The following TSHZ2 variants were observed in gnomAD, a reference collection of about 807,000 sequenced individuals.
The protein encoded by TSHZ2 is teashirt zinc finger homeobox 2.
In TSHZ2, 21 loss-of-function variants were observed where a neutral mutation model predicts 74.4. The ratio of observed to expected loss-of-function variants is 0.28; its 90% CI spans 0.20 to 0.41. The LOEUF is 0.41. TSHZ2 is among the 10% of genes least tolerant of loss of function. The probability of loss-of-function intolerance (pLI) is 1.00; values close to 1 mark genes in which losing one functional copy is unlikely to be tolerated. For missense variants in TSHZ2, 1,244 were observed against 1,293.5 expected, an observed-to-expected ratio of 0.96 and a Z score of 0.59; for synonymous variants, 540 against 515.3, an observed-to-expected ratio of 1.05 and a Z score of -0.65.
At position 53,388,673 on chromosome 20, in the gene TSHZ2, G is replaced by T. The variant is rs190964553; in HGVS notation, c.*9-98471G>T. Among the ~76,000 whole-genome samples, 10 of 150,960 alleles carry T rather than the reference G, an allele frequency of 6.6e-5. No individual in the cohort carries two copies. The East Asian group carries it at 2.0e-3, about 30-fold the overall frequency. On this transcript the variant is annotated intron_variant, in intron 2 of 2. Transcript: ENST00000371497. ...GCTCACTGCAACCTCTGCCTCCCAG[G>T]TTCAAGCAATTCTCGTACCTCAGCC...
chr20:53,324,863 C>T (rs1308244532), intron 2 of TSHZ2, among the ~76,000 whole-genome samples: 1 of 152,222 alleles, frequency 6.6e-6, no homozygotes, highest in Admixed American at 6.5e-5. Context: ...CAGGCTTCAA[C>T]CCTGTGTCGG....
chr20:53,076,062 T>G (rs1985355007), intron 1 of TSHZ2, among the ~76,000 whole-genome samples: 1 of 152,314 alleles, frequency 6.6e-6, no homozygotes, highest in African/African-American at 2.4e-5. Context: ...CTAGGACACT[T>G]TTCACTTTGT....
chr20:53,416,485 G>GA (rs1362693651), intron 2 of TSHZ2, among the ~76,000 whole-genome samples: 1 of 152,152 alleles, frequency 6.6e-6, no homozygotes, highest in East Asian at 1.9e-4. Flanking sequence ...CCTCTACCAG[G>GA]AAAAAGGGTA....
chr20:53,459,513 T>C (rs200460974), intron 2 of TSHZ2, among the ~76,000 whole-genome samples: 14,889 of 144,140 alleles, frequency 0.1, 1,005 homozygotes, highest in African/African-American at 0.2. Context: ...CTTTATCCAA[T>C]TTGCCAGTCT....
intron 1 of TSHZ2, among the ~76,000 whole-genome samples, chr20:53,010,744 T>C (rs1489253387): frequency 6.6e-6 from 1 of 152,218 alleles, no homozygotes; most frequent in Non-Finnish European, 1.5e-5. Flanking sequence ...TTTATTGCAC[T>C]GTAAATTGGA....
intron 1 of TSHZ2, among the ~76,000 whole-genome samples, chr20:53,022,802 T>C (rs1341694960): frequency 6.6e-6 from 1 of 152,244 alleles, no homozygotes; most frequent in Non-Finnish European, 1.5e-5. Flanking sequence ...TTGACTAAAA[T>C]AGGAGTTCCT....
chr20:53,036,944 T>C (rs1228175622), intron 1 of TSHZ2, among the ~76,000 whole-genome samples: 1 of 151,998 alleles, frequency 6.6e-6, no homozygotes, highest in South Asian at 2.1e-4. Context: ...GTTTAGTCAT[T>C]AAATATTCCT....
intron 1 of TSHZ2, among the ~76,000 whole-genome samples, chr20:53,193,191 A>G (rs369885131): frequency 1.3e-5 from 2 of 151,954 alleles, no homozygotes; most frequent in African/African-American, 4.8e-5. Context: ...GAAAAAAGAA[A>G]AAAAAAACAC....
At chr20:53,315,574 A>G (rs1410998501) in intron 2 of TSHZ2, among the ~76,000 whole-genome samples, 1 of 152,194 alleles carries the variant, frequency 6.6e-6, no homozygotes, top group Non-Finnish European at 1.5e-5. Flanking sequence ...TCTCTTGTCA[A>G]AGGAAGATAG....
intron 1 of TSHZ2, among the ~76,000 whole-genome samples, chr20:52,998,609 A>G (rs756206651): frequency 7.9e-5 from 12 of 152,204 alleles, no homozygotes; most frequent in Non-Finnish European, 1.2e-4. Flanking sequence ...TGAAAGCACC[A>G]TATACCTCAC....
chr20:53,270,298 G>A (rs1266684119), intron 2 of TSHZ2, among the ~76,000 whole-genome samples: 1 of 152,136 alleles, frequency 6.6e-6, no homozygotes, highest in Non-Finnish European at 1.5e-5. Context: ...GACTGATGTG[G>A]AGTACCAGAG....
rs1555835924 is a variant in TSHZ2 at position 53,204,391 on chromosome 20, C to CTAT, written c.41-49107_41-49105dup. On this transcript the variant is annotated intron_variant, in intron 1 of 2. Coordinates refer to ENST00000371497, the MANE Select transcript of TSHZ2 (RefSeq NM_173485.6). Reference sequence around the variant, plus strand: ...CATCATATAACATGATGATATGATACTATATCATCATATAACATGATGATA... The same window carrying CTAT: ...CATCATATAACATGATGATATGATACTATTATATCATCATATAACATGATGATA... Among the ~76,000 whole-genome samples, 13 of 142,398 alleles carry CTAT rather than the reference C, an allele frequency of 9.1e-5. 1 individual carries two copies. The highest frequency in any genetic ancestry group is 3.5e-4 in the African/African-American group (12 of 34,586). The allele number at this position is 142,398 out of a possible 152,430, so 93.4% of individuals were successfully genotyped here.
intron 1 of TSHZ2, among the ~76,000 whole-genome samples, chr20:53,016,671 T>C (rs1983050758): frequency 6.6e-6 from 1 of 152,134 alleles, no homozygotes; most frequent in Non-Finnish European, 1.5e-5. Flanking sequence ...AAAAAGACAA[T>C]CTACTACTTG....
intron 1 of TSHZ2, among the ~76,000 whole-genome samples, chr20:53,100,422 G>C (rs986561588): frequency 2.0e-5 from 3 of 152,092 alleles, no homozygotes; most frequent in Non-Finnish European, 4.4e-5. Flanking sequence ...TGCATCAAAT[G>C]GTTAAAAAAT....
intron 2 of TSHZ2, among the ~76,000 whole-genome samples, chr20:53,367,138 G>A (rs901643300): frequency 5.9e-5 from 9 of 152,152 alleles, no homozygotes; most frequent in African/African-American, 2.2e-4. Flanking sequence ...ACTCATGCCT[G>A]TAATCCCAGC....
chr20:53,188,654 G>T (rs555504560), intron 1 of TSHZ2, among the ~76,000 whole-genome samples: 1 of 152,130 alleles, frequency 6.6e-6, no homozygotes, highest in Non-Finnish European at 1.5e-5. Flanking sequence ...GTCCAAATAG[G>T]TATATAATTA....
intron 1 of TSHZ2, among the ~76,000 whole-genome samples, chr20:53,223,870 C>T (rs1989620465): frequency 6.7e-6 from 1 of 149,870 alleles, no homozygotes; most frequent in Admixed American, 6.7e-5. Context: ...CATGAATCTA[C>T]ACATGTGAAA....
At chr20:53,434,626 G>A (rs903113533) in intron 2 of TSHZ2, among the ~76,000 whole-genome samples, 3 of 152,214 alleles carry the variant, frequency 2.0e-5, no homozygotes, top group African/African-American at 7.2e-5. Flanking sequence ...GGTTATCAGG[G>A]TCAGTTCTGC....
At chr20:53,280,727 C>G (rs1453745031) in intron 2 of TSHZ2, among the ~76,000 whole-genome samples, 1 of 151,702 alleles carries the variant, frequency 6.6e-6, no homozygotes, top group Non-Finnish European at 1.5e-5. Context: ...TGGAGTCTAG[C>G]TGTCGTCCAG....
Sources: allele counts gnomAD v4.1 joint callset (sites outside exome capture counted in the v4.1 genomes callset), GRCh38; gene constraint gnomAD v4.1.1; transcripts MANE v1.5; gene names NCBI Gene and HGNC (gene_info 2026-07-23, HGNC 2026-07-21).